The following OSBP2 variants were observed in gnomAD, a reference collection of about 807,000 sequenced individuals.
The protein encoded by OSBP2 is oxysterol-binding protein 2.
In OSBP2, 66 loss-of-function variants were observed where a neutral mutation model predicts 96.0. The observed-to-expected ratio is 0.69, with a 90% CI of 0.56 to 0.84. The LOEUF is 0.84. OSBP2 is among the 40% of genes least tolerant of loss of function. The pLI is 0.00. For synonymous variants in OSBP2, 525 were observed against 520.9 expected, an observed-to-expected ratio of 1.01 and a Z score of -0.11; for missense variants, 1,038 against 1,222.7, an observed-to-expected ratio of 0.85 and a Z score of 2.25.
At chr22:30,905,574 G>T (rs2040312845) in intron 12 of OSBP2, among the ~76,000 whole-genome samples, 1 of 152,244 alleles carries the variant, frequency 6.6e-6, no homozygotes, top group South Asian at 2.1e-4. Flanking sequence ...GCAATTCCCA[G>T]ATAAGTCTAA....
At chr22:30,882,575 C>T (rs2039726913) in intron 3 of OSBP2, among the ~76,000 whole-genome samples, 3 of 151,926 alleles carry the variant, frequency 2.0e-5, no homozygotes, top group East Asian at 3.9e-4. Context: ...ACAGTGGGCC[C>T]GCGGTGTGAG....
intron 1 of OSBP2, among the ~76,000 whole-genome samples, chr22:30,712,889 GT>G (rs1444441333): frequency 6.6e-6 from 1 of 151,884 alleles, no homozygotes; most frequent in Non-Finnish European, 1.5e-5. Flanking sequence ...AGGAGCCCTG[GT>G]TTTTTGGTTT....
In OSBP2 at chr22:30,723,932, C is replaced by T. The variant is rs1015831984; in HGVS notation, c.645-17229C>T. On this transcript the variant is annotated intron_variant, in intron 1 of 13. Coordinates refer to ENST00000332585, the MANE Select transcript of OSBP2 (RefSeq NM_030758.4). The stretch of plus-strand genomic sequence containing the variant: ...TTTACATTAGGGTTCACTCTTGGTG[C>T]GGTACCTTCTATGGACTTGGACAAA... 2.6e-5 allele frequency among the ~76,000 whole-genome samples: 4 copies of T among 152,118 alleles called. 1 individual carries two copies. The highest frequency in any genetic ancestry group is 5.9e-5 in the Non-Finnish European group (4 of 68,014).
rs748557497 is a variant in OSBP2, at chr22:30,906,199, A to G, written c.2611A>G (p.Lys871Glu). 14 of 1,613,756 alleles carry G rather than the reference A, an allele frequency of 8.7e-6. No homozygotes were observed. The highest frequency in any genetic ancestry group is 1.1e-5 in the Non-Finnish European group (13 of 1,179,920). ...AGCCCACTGTGCCTGCCCAGCAGAGAAGGAGGCGGATGCCTACACGCCACT... is the reference window on the plus strand; with the variant it reads ...AGCCCACTGTGCCTGCCCAGCAGAGGAGGAGGCGGATGCCTACACGCCACT... The part of the protein sequence containing the change: ...PGSSCSSEEE[K>E]EADAYTPLWF... Residue 871 changes from lysine to glutamate, a missense_variant and splice_region_variant, in exon 14 of 14, where the codon AAG (lysine) becomes GAG (glutamate). Physicochemically the swap from Lys to Glu is moderately conservative, Grantham distance 56 (BLOSUM62 1). Transcript: ENST00000332585.
intron 12 of OSBP2, chr22:30,902,430 T>G: frequency 6.3e-7 from 1 of 1,584,694 alleles, no homozygotes; most frequent in Non-Finnish European, 8.6e-7. Context: ...ATCAGTCACT[T>G]CATGTGGACA....
intron 1 of OSBP2, among the ~76,000 whole-genome samples, chr22:30,726,192 T>C (rs1336181267): frequency 6.6e-6 from 1 of 152,140 alleles, no homozygotes; most frequent in Non-Finnish European, 1.5e-5. Context: ...TGTGTAAAAA[T>C]GTAGAGATGT....
chr22:30,883,218 G>C (rs1439803956), intron 3 of OSBP2, among the ~76,000 whole-genome samples: 1 of 152,214 alleles, frequency 6.6e-6, no homozygotes, highest in Non-Finnish European at 1.5e-5. Flanking sequence ...GCACAGCACA[G>C]CCCTGGCCTC....
At chr22:30,876,917 T>A (rs990775163) in intron 3 of OSBP2, among the ~76,000 whole-genome samples, 2 of 152,124 alleles carry the variant, frequency 1.3e-5, no homozygotes, top group African/African-American at 4.8e-5. Context: ...CTCCCCTTGA[T>A]CAGGGTCAGG....
At chr22:30,745,252 G>A (rs136351) in intron 2 of OSBP2, among the ~76,000 whole-genome samples, 113,050 of 152,048 alleles carry the variant, frequency 0.74, 42,993 homozygotes, top group African/African-American at 0.9. Flanking sequence ...CGCTAAAAGT[G>A]TATGTTAAAA....
At chr22:30,766,553 G>A (rs1191834658) in intron 2 of OSBP2, among the ~76,000 whole-genome samples, 2 of 152,168 alleles carry the variant, frequency 1.3e-5, no homozygotes, top group East Asian at 3.9e-4. Context: ...CCCGTGTAGT[G>A]CCAGTGCCTC....
chr22:30,793,068 T>A (rs16989109), intron 2 of OSBP2, among the ~76,000 whole-genome samples: 3,094 of 152,250 alleles, frequency 0.02, 105 homozygotes, highest in African/African-American at 0.07. Flanking sequence ...TAAATTAGAT[T>A]GTAGTTCAGC....
Position 30,709,885 on chromosome 22 carries a change from C to CT in OSBP2, c.644+14345dup, listed in dbSNP as rs1005643833. ...TCATCCTCATTTATTGGCAGGGATA[C>CT]TTTTTTTTTTTTTCTGAAATGGAGT... On this transcript the variant is annotated intron_variant, in intron 1 of 13. Transcript: ENST00000332585. Among the ~76,000 whole-genome samples, 493 of 141,762 alleles carry CT rather than the reference C, an allele frequency of 3.5e-3. 1 individual carries two copies. The highest frequency in any genetic ancestry group is 7.9e-3 in the African/African-American group (305 of 38,716). The allele number at this position is 141,762 out of a possible 152,430, so 93.0% of individuals were successfully genotyped here.
intron 2 of OSBP2, among the ~76,000 whole-genome samples, chr22:30,797,953 A>C (rs545958908): frequency 6.6e-6 from 1 of 152,180 alleles, no homozygotes; most frequent in Non-Finnish European, 1.5e-5. Context: ...TATGCCCAGA[A>C]GTGGAATTGC....
intron 2 of OSBP2, among the ~76,000 whole-genome samples, chr22:30,761,603 A>G (rs2090205456): frequency 6.6e-6 from 1 of 152,336 alleles, no homozygotes; most frequent in East Asian, 1.9e-4. Context: ...TTTATATGAA[A>G]AGATAAAGAA....
Position 30,695,357 on chromosome 22 carries a change from C to A in OSBP2, c.448C>A (p.Leu150Met). The change falls in exon 1 of 14, where the codon CTG becomes ATG. Residue 150 changes from leucine (L) to methionine (M), a missense_variant. By Grantham distance (15) the Leu-to-Met change is conservative. Transcript: ENST00000332585. ...AGGATCGCTGCCAGCGTTAAAGCCC[C>A]TGCCTCTTCTGCGACCAGGACAGGC... is the stretch of plus-strand genomic sequence containing the variant. The part of the protein sequence containing the change: ...ESGSLPALKP[L>M]PLLRPGQAKT... 6.2e-7 allele frequency: 1 copy of A among 1,613,884 alleles called. No homozygotes were observed. Among genetic ancestry groups the A allele is most frequent in the Non-Finnish European group, 8.5e-7 (1 of 1,180,054 alleles).
upstream of OSBP2, chr22:30,694,798 C>T (rs2088990747): frequency 1.8e-6 from 1 of 559,672 alleles, no homozygotes; most frequent in African/African-American, 2.0e-5. Context: ...GCGGAGGAAC[C>T]CGCGCGCGCC....
At chr22:30,714,701 C>G (rs1191152155) in intron 1 of OSBP2, among the ~76,000 whole-genome samples, 1 of 152,182 alleles carries the variant, frequency 6.6e-6, no homozygotes, top group Non-Finnish European at 1.5e-5. Flanking sequence ...ACTGCAACCT[C>G]TGCCTCCCGG....
At chr22:30,756,208 A>G (rs1029134424) in intron 2 of OSBP2, among the ~76,000 whole-genome samples, 1 of 151,982 alleles carries the variant, frequency 6.6e-6, no homozygotes, top group African/African-American at 2.4e-5. Flanking sequence ...CCTGTGGTTC[A>G]TCCCTGCTGG....
At chr22:30,897,888 G>C (rs559212913) in intron 12 of OSBP2, among the ~76,000 whole-genome samples, 4 of 151,588 alleles carry the variant, frequency 2.6e-5, no homozygotes, top group African/African-American at 4.9e-5. Context: ...AGGCAGAGGT[G>C]GCAGTGAGCT....
Sources: gnomAD v4.1 joint callset for allele counts (sites outside exome capture counted in the v4.1 genomes callset) on GRCh38, gnomAD v4.1.1 for gene constraint, MANE v1.5 for transcripts, NCBI Gene and HGNC (gene_info 2026-07-23, HGNC 2026-07-21) for gene names.